AGAP1: variants seen among roughly 807,000 people sequenced by gnomAD.
The protein encoded by AGAP1 is arf-GAP with GTPase, ANK repeat and PH domain-containing protein 1.
In AGAP1, 29 loss-of-function variants were observed where a neutral mutation model predicts 105.3. The ratio of observed to expected loss-of-function variants is 0.28; its 90% CI spans 0.21 to 0.38. The LOEUF (loss-of-function observed/expected upper bound fraction) is 0.38. AGAP1 is among the 10% of genes least tolerant of loss of function. The probability of loss-of-function intolerance (pLI) is 1.00; values close to 1 mark genes in which losing one functional copy is unlikely to be tolerated. For missense variants in AGAP1, 998 were observed against 1,165.1 expected (o/e 0.86, Z 2.09); for synonymous variants, 509 against 485.9 (o/e 1.05, Z -0.63).
At chr2:235,941,550 C>T (rs1350245577) in intron 12 of AGAP1, among the ~76,000 whole-genome samples, 4 of 152,186 alleles carry the variant, frequency 2.6e-5, no homozygotes, top group African/African-American at 7.2e-5. Context: ...GCAAGGCATA[C>T]GTTCGCATTC....
In AGAP1 at chr2:235,740,913, C is replaced by T. The variant is rs139740637; in HGVS notation, c.311-50C>T. On this transcript the variant is annotated intron_variant, in intron 3 of 17. Coordinates refer to ENST00000304032, the MANE Select transcript of AGAP1 (RefSeq NM_001037131.3). This position sits in a 1 kb window ranked among gnomAD's most constrained non-coding sequence, Gnocchi z 5.7. The stretch of plus-strand genomic sequence containing the variant: ...AGCGAAGCCCACGTCTGTCTGCCCT[C>T]CTCACTCTCTGTTGTTCTCGTGTAA... 6.2e-7 allele frequency: 1 copy of T among 1,612,386 alleles called. No individual in the cohort carries two copies. Among genetic ancestry groups the T allele is most frequent in the African/African-American group, 1.3e-5 (1 of 75,026 alleles).
rs1468224849 is a variant in AGAP1, at chr2:236,045,861, T to TA, written c.1892-3197dup. Reference sequence around the variant, plus strand: ...TTCTCCCCTCAGTCAGCCCCAGCCTTACCTGTCTCTAAGCAGAGGGTGGTG... The same window carrying TA: ...TTCTCCCCTCAGTCAGCCCCAGCCTTAACCTGTCTCTAAGCAGAGGGTGGTG... On this transcript the variant is annotated intron_variant, in intron 15 of 17. Transcript: ENST00000304032. The surrounding 1 kb of genome is among the most constrained non-coding windows in gnomAD (Gnocchi z 6.9). 6 of 443,690 alleles carry TA rather than the reference T, an allele frequency of 1.4e-5. No homozygotes were observed. The East Asian group carries it at 4.3e-4, about 32-fold the overall frequency. The allele number at this position is 443,690 out of a possible 1,614,324, so 27.5% of individuals were successfully genotyped here.
In AGAP1 at chr2:236,087,006, C is replaced by G. The variant is rs76113282; in HGVS notation, c.2115-33186C>G. On this transcript the variant is annotated intron_variant, in intron 16 of 17. Coordinates refer to ENST00000304032, the MANE Select transcript of AGAP1 (RefSeq NM_001037131.3). This position sits in a 1 kb window ranked among gnomAD's most constrained non-coding sequence, Gnocchi z 5.7. ...AAGTTTTGGCAAACACTCGGGAAAC[C>G]CAGGACAGAGGAGGTAGGTAAACTC... Among the ~76,000 whole-genome samples, 1,687 of 152,098 alleles carry G rather than the reference C, an allele frequency of 0.011. 10 individuals are homozygous for G. Among genetic ancestry groups the G allele is most frequent in the Non-Finnish European group, 0.016 (1,111 of 68,010 alleles).
In AGAP1 at chr2:236,083,700, A is replaced by AT. The variant is rs149637159; in HGVS notation, c.2114+34428dup. Among the ~76,000 whole-genome samples the AT allele has an allele frequency of 1.2e-4, 18 of 151,832 alleles. No individual in the cohort carries two copies. Among genetic ancestry groups the AT allele is most frequent in the South Asian group, 6.3e-4 (3 of 4,784 alleles). On this transcript the variant is annotated intron_variant, in intron 16 of 17. Coordinates refer to ENST00000304032, the MANE Select transcript of AGAP1 (RefSeq NM_001037131.3). This position sits in a 1 kb window ranked among gnomAD's most constrained non-coding sequence, Gnocchi z 5.3. ...TTTGTTTTACTTAATATATAGGAAG[A>AT]TTTTTTTTTAATACCTTAAAAATAC...
At chr2:235,532,125 C>CT in intron 1 of AGAP1, among the ~76,000 whole-genome samples, 1 of 152,202 alleles carries the variant, frequency 6.6e-6, no homozygotes, top group Non-Finnish European at 1.5e-5. Flanking sequence ...ATATGGAAAA[C>CT]TATAAAGAAG....
chr2:235,986,003 A>G (rs1182710383), intron 13 of AGAP1, among the ~76,000 whole-genome samples: 2 of 152,194 alleles, frequency 1.3e-5, no homozygotes, highest in East Asian at 3.9e-4. Context: ...CAATTCTGTG[A>G]TGACTGTCAA....
intron 6 of AGAP1, among the ~76,000 whole-genome samples, chr2:235,764,030 T>TGACCCGTGCATGGCTG (rs552845949): frequency 8.9e-4 from 126 of 140,840 alleles, no homozygotes; most frequent in Non-Finnish European, 1.3e-3. Flanking sequence ...GTGCGTGGCT[T>TGACCCGTGCATGGCTG]TGGCCCGTGC....
Position 235,716,895 on chromosome 2 carries a change from G to A in AGAP1, c.223-662G>A, listed in dbSNP as rs565800592. On this transcript the variant is annotated intron_variant, in intron 2 of 17. Coordinates refer to ENST00000304032, the MANE Select transcript of AGAP1 (RefSeq NM_001037131.3). This position sits in a 1 kb window ranked among gnomAD's most constrained non-coding sequence, Gnocchi z 4.0. ...CATGTCACCCTCCCTCCTGAGGGTC[G>A]CCTTCTAATCCAGCACAAACGAGCA... is the stretch of plus-strand genomic sequence containing the variant. 4.6e-5 allele frequency among the ~76,000 whole-genome samples: 7 copies of A among 152,112 alleles called. No individual in the cohort carries two copies. In the East Asian group the frequency reaches 9.7e-4, roughly 21 times the overall value.
At chr2:236,091,840 G>C (rs922096964) in intron 16 of AGAP1, among the ~76,000 whole-genome samples, 1 of 152,162 alleles carries the variant, frequency 6.6e-6, no homozygotes, top group African/African-American at 2.4e-5. Flanking sequence ...GGCGTTGTTC[G>C]TAAGAGCCCA....
chr2:235,576,214 G>C (rs1944727510), intron 1 of AGAP1, among the ~76,000 whole-genome samples: 1 of 152,228 alleles, frequency 6.6e-6, no homozygotes, highest in Non-Finnish European at 1.5e-5. Context: ...GGCAAAGGTA[G>C]GATAGGGGCT....
rs1261377521 is a variant in AGAP1, at chr2:235,846,499, G to GTT, written c.1051-36846_1051-36845insTT. ...GCACCGTGATGCCTGGCTAATTTTT[G>GTT]GTTTTTTTTTTAGTAGAGACGGGGT... is the stretch of plus-strand genomic sequence containing the variant. On this transcript the variant is annotated intron_variant, in intron 9 of 17. Coordinates refer to ENST00000304032, the MANE Select transcript of AGAP1 (RefSeq NM_001037131.3). Among the ~76,000 whole-genome samples the GTT allele has an allele frequency of 4.4e-4, 41 of 93,396 alleles. 1 individual carries two copies. The highest frequency in any genetic ancestry group is 1.7e-3 in the East Asian group (3 of 1,764). 61.3% of individuals were successfully genotyped at this position (93,396 alleles called of 152,430 possible).
At position 236,083,028 on chromosome 2, in the gene AGAP1, G is replaced by A. The variant is rs189104224; in HGVS notation, c.2114+33747G>A. 5.9e-3 allele frequency among the ~76,000 whole-genome samples: 888 copies of A among 150,570 alleles called. 3 individuals are homozygous for A. The highest frequency in any genetic ancestry group is 8.7e-3 in the Non-Finnish European group (588 of 67,684). On this transcript the variant is annotated intron_variant, in intron 16 of 17. Coordinates refer to ENST00000304032, the MANE Select transcript of AGAP1 (RefSeq NM_001037131.3). This position sits in a 1 kb window ranked among gnomAD's most constrained non-coding sequence, Gnocchi z 5.3. Reference sequence around the variant, plus strand: ...AAATTAGGCAGGCGTGGTGGTGCACGCCTGTAATCCCAGCTACTTAGGAGG... The same window carrying A: ...AAATTAGGCAGGCGTGGTGGTGCACACCTGTAATCCCAGCTACTTAGGAGG...
In AGAP1 at chr2:235,716,030, G is replaced by C. The variant is rs868632083; in HGVS notation, c.223-1527G>C. 6.6e-6 allele frequency among the ~76,000 whole-genome samples: 1 copy of C among 152,228 alleles called. No homozygotes were observed. Among genetic ancestry groups the C allele is most frequent in the Non-Finnish European group, 1.5e-5 (1 of 68,054 alleles). On this transcript the variant is annotated intron_variant, in intron 2 of 17. Transcript: ENST00000304032. The surrounding 1 kb of genome is among the most constrained non-coding windows in gnomAD (Gnocchi z 4.0). The stretch of plus-strand genomic sequence containing the variant: ...AGGGGCGCCTGGAGCTGGGGTGGAC[G>C]GCGGCCAGGGGATGCGATTTGGGAA...
In AGAP1 at chr2:235,609,347, C is replaced by T. The variant is rs1946051221; in HGVS notation, c.164-99832C>T. Among the ~76,000 whole-genome samples the T allele has an allele frequency of 6.6e-6, 1 of 152,094 alleles. No homozygotes were observed. The highest frequency in any genetic ancestry group is 6.6e-5 in the Admixed American group (1 of 15,264). On this transcript the variant is annotated intron_variant, in intron 1 of 17. Coordinates refer to ENST00000304032, the MANE Select transcript of AGAP1 (RefSeq NM_001037131.3). The surrounding 1 kb of genome is among the most constrained non-coding windows in gnomAD (Gnocchi z 5.1). ...AGTCCCTGTTAAAATGGCCAGAGGA[C>T]ATGGGGACATGGGGCAGGGAGAGCT...
Position 235,719,394 on chromosome 2 carries a change from G to A in AGAP1, c.310+1750G>A, listed in dbSNP as rs72975234. ...TGTTCCATTGTATTTGGGCCCAGCT[G>A]GGATGTCTTTTGCAGTGCATAATTG... On this transcript the variant is annotated intron_variant, in intron 3 of 17. Coordinates refer to ENST00000304032, the MANE Select transcript of AGAP1 (RefSeq NM_001037131.3). The surrounding 1 kb of genome is among the most constrained non-coding windows in gnomAD (Gnocchi z 4.9). Among the ~76,000 whole-genome samples the A allele has an allele frequency of 0.02, 3,114 of 152,244 alleles. 50 individuals carry two copies. Among genetic ancestry groups the A allele is most frequent in the Middle Eastern group, 0.034 (10 of 294 alleles).
chr2:235,831,032 T>C (rs898708660), intron 9 of AGAP1, among the ~76,000 whole-genome samples: 1 of 152,068 alleles, frequency 6.6e-6, no homozygotes, highest in Non-Finnish European at 1.5e-5. Context: ...GCTACTTTTA[T>C]AAGATGTCAC....
At chr2:236,118,683 C>A (rs969444084) in intron 16 of AGAP1, among the ~76,000 whole-genome samples, 2 of 152,146 alleles carry the variant, frequency 1.3e-5, no homozygotes, top group Middle Eastern at 3.2e-3. Flanking sequence ...GCCACTGCGC[C>A]CAGCCTCTTT....
At chr2:235,870,741 A>G (rs952725714) in intron 9 of AGAP1, among the ~76,000 whole-genome samples, 1 of 152,144 alleles carries the variant, frequency 6.6e-6, no homozygotes, top group Non-Finnish European at 1.5e-5. Flanking sequence ...GGGCATAAGA[A>G]CTGTATATTC....
rs1464063631 is a variant in AGAP1, at chr2:235,741,186, A to AT, written c.396+145dup. The AT allele has an allele frequency of 1.8e-4, 108 of 615,082 alleles. No homozygotes were observed. The highest frequency in any genetic ancestry group is 2.0e-4 in the African/African-American group (11 of 54,222). The allele number at this position is 615,082 out of a possible 1,614,324, so 38.1% of individuals were successfully genotyped here. A position where few individuals can be genotyped will look rare whatever the true frequency, so the allele number is the denominator to read the frequency against. ...CATAAAAAATGTTTCCTCTCACTGC[A>AT]TTTTTTTCTCATCTCTAAGAAGCTA... On this transcript the variant is annotated intron_variant, in intron 4 of 17. Coordinates refer to ENST00000304032, the MANE Select transcript of AGAP1 (RefSeq NM_001037131.3). This position sits in a 1 kb window ranked among gnomAD's most constrained non-coding sequence, Gnocchi z 4.9.
Sources: gnomAD v4.1 joint callset for allele counts (sites outside exome capture counted in the v4.1 genomes callset) on GRCh38, gnomAD v4.1.1 for gene constraint, Gnocchi (gnomAD v3.1) non-coding constraint, MANE v1.5 for transcripts, NCBI Gene and HGNC (gene_info 2026-07-23, HGNC 2026-07-21) for gene names.